Variants in DNAH11 observed in about 807,000 individuals in gnomAD.
DNAH11 encodes the protein axonemal beta dynein heavy chain 11.
DNAH11 carries 442 observed loss-of-function variants against 526.0 expected under a neutral mutation model. The observed-to-expected ratio is 0.84, with a 90% confidence interval of 0.78 to 0.91. DNAH11 has a LOEUF of 0.91. DNAH11 is among the 40% of genes least tolerant of loss of function. DNAH11 has a pLI of 0.00. For synonymous variants in DNAH11, 2,461 were observed against 1,935.9 expected, an observed-to-expected ratio of 1.27 and a Z score of -7.12; for missense variants, 6,989 against 5,448.7, an observed-to-expected ratio of 1.28 and a Z score of -8.90.
intron 66 of DNAH11, among the ~76,000 whole-genome samples, chr7:21,849,842 T>C (rs917470367): frequency 6.6e-6 from 1 of 152,222 alleles, no homozygotes; most frequent in Non-Finnish European, 1.5e-5. Flanking sequence ...CCTGGATCTT[T>C]GGTTTGGTAT....
chr7:21,784,466 G>A lies in DNAH11; in HGVS notation c.9523G>A (p.Glu3175Lys). The A allele has an allele frequency of 1.9e-6, 3 of 1,613,560 alleles. No homozygotes were observed. The highest frequency in any genetic ancestry group is 2.5e-6 in the Non-Finnish European group (3 of 1,179,684). The part of the protein sequence containing the change: ...IQTEVFQKQR[E>K]CEADLLKAEP... ...GACTGAAGTGTTCCAGAAACAGAGAGAATGTGAAGCTGACTTACTCAAGGC... is the reference window on the plus strand; with the variant it reads ...GACTGAAGTGTTCCAGAAACAGAGAAAATGTGAAGCTGACTTACTCAAGGC... Residue 3175 changes from glutamate to lysine, a missense_variant, in exon 58 of 82, where the codon GAA becomes AAA. Glu to Lys is a moderately conservative substitution (Grantham distance 56). Transcript: ENST00000409508.
At chr7:21,575,132 C>T (rs1411498170) in intron 8 of DNAH11, among the ~76,000 whole-genome samples, 1 of 152,140 alleles carries the variant, frequency 6.6e-6, no homozygotes, top group Admixed American at 6.5e-5. Flanking sequence ...CTGCCTCGGC[C>T]TCCAAAAGTG....
intron 68 of DNAH11, among the ~76,000 whole-genome samples, chr7:21,860,127 C>T (rs191347461): frequency 1.1e-3 from 170 of 152,136 alleles, no homozygotes; most frequent in African/African-American, 4.0e-3. Context: ...GAGCCACGGT[C>T]ACTCCACCGC....
In DNAH11 at chr7:21,872,204, A is replaced by AAT. The variant is rs540777977; in HGVS notation, c.11968-1068_11968-1067dup. Reference sequence around the variant, plus strand: ...TATCTCCTTAAAGACCCTATTTCCAAATACAGTCACATTATGAGATGCTGG... The same window carrying AAT: ...TATCTCCTTAAAGACCCTATTTCCAAATATACAGTCACATTATGAGATGCTGG... On this transcript the variant is annotated intron_variant, in intron 73 of 81. Coordinates refer to ENST00000409508, the MANE Select transcript of DNAH11 (RefSeq NM_001277115.2). Among the ~76,000 whole-genome samples the AAT allele has an allele frequency of 2.0e-5, 3 of 151,224 alleles. No homozygotes were observed. In the East Asian group the frequency reaches 5.8e-4, roughly 29 times the overall value.
rs143890807 is a variant in DNAH11 at position 21,747,227 on chromosome 7, G to A, written c.8511-1353G>A. Among the ~76,000 whole-genome samples the A allele has an allele frequency of 4.2e-4, 64 of 152,160 alleles. 1 individual carries two copies. Among genetic ancestry groups the A allele is most frequent in the African/African-American group, 1.5e-3 (62 of 41,442 alleles). On this transcript the variant is annotated intron_variant, in intron 51 of 81. Coordinates refer to ENST00000409508, the MANE Select transcript of DNAH11 (RefSeq NM_001277115.2). ...TAGCTTTCCCCAAGGTTGTTTTGTTGTGTGGTCATGTGAAGTAAAATTTAA... is the reference window on the plus strand; with the variant it reads ...TAGCTTTCCCCAAGGTTGTTTTGTTATGTGGTCATGTGAAGTAAAATTTAA...
chr7:21,643,262 C>T (rs1459047232), intron 28 of DNAH11, among the ~76,000 whole-genome samples: 2 of 152,118 alleles, frequency 1.3e-5, no homozygotes, highest in Admixed American at 6.5e-5. Context: ...TATCAGTTTA[C>T]CCTTTTGCAC....
At chr7:21,650,286 C>A (rs1321804733) in intron 28 of DNAH11, among the ~76,000 whole-genome samples, 1 of 152,008 alleles carries the variant, frequency 6.6e-6, no homozygotes, top group Non-Finnish European at 1.5e-5. Context: ...TTGGCAAAAG[C>A]AAATCTGGAT....
At chr7:21,728,402 CAA>C (rs1785232339) in intron 45 of DNAH11, among the ~76,000 whole-genome samples, 1 of 151,574 alleles carries the variant, frequency 6.6e-6, no homozygotes, top group South Asian at 2.1e-4. Context: ...GGACTACAGG[CAA>C]CCCACCACCA....
chr7:21,691,757 A>G (rs1265401464), intron 35 of DNAH11, among the ~76,000 whole-genome samples: 1 of 152,170 alleles, frequency 6.6e-6, no homozygotes, highest in East Asian at 1.9e-4. Flanking sequence ...CATTTTATGT[A>G]GCTCTAAAAT....
intron 74 of DNAH11, among the ~76,000 whole-genome samples, chr7:21,880,325 C>T (rs1056398112): frequency 3.3e-5 from 5 of 152,140 alleles, no homozygotes; most frequent in Non-Finnish European, 4.4e-5. Flanking sequence ...ATTCTCCCAA[C>T]CGTAATAGCA....
intron 63 of DNAH11, among the ~76,000 whole-genome samples, chr7:21,809,805 A>T (rs1789430620): frequency 6.6e-6 from 1 of 152,084 alleles, no homozygotes; most frequent in Non-Finnish European, 1.5e-5. Flanking sequence ...ACCTCAGGTG[A>T]TTCACCCGCC....
chr7:21,725,913 A>T lies in DNAH11; in HGVS notation c.7369A>T (p.Lys2457Ter), dbSNP rs1191880059. ...GTIFDYYVDH[K>*]TKKLLPWADK... ...AATCTTTGATTATTATGTGGACCACAAAACTAAGAAATTATTGCCCTGGGC... is the reference window on the plus strand; with the variant it reads ...AATCTTTGATTATTATGTGGACCACTAAACTAAGAAATTATTGCCCTGGGC... The change falls in exon 45 of 82, where the codon AAA becomes TAA. Residue 2457 changes from lysine (K) to a stop codon, truncating the protein, a stop_gained. Coordinates refer to ENST00000409508, the MANE Select transcript of DNAH11 (RefSeq NM_001277115.2). LOFTEE classifies it high-confidence loss of function. 1 of 1,583,658 alleles carries T rather than the reference A, an allele frequency of 6.3e-7. No individual in the cohort carries two copies. The highest frequency in any genetic ancestry group is 1.3e-5 in the African/African-American group (1 of 74,394).
chr7:21,743,908 G>A (rs1786031490), intron 49 of DNAH11, among the ~76,000 whole-genome samples: 1 of 152,116 alleles, frequency 6.6e-6, no homozygotes, highest in South Asian at 2.1e-4. Flanking sequence ...TCTCCATGAG[G>A]AGTGAGTGCG....
At chr7:21,609,276 C>T (rs909683665) in intron 20 of DNAH11, among the ~76,000 whole-genome samples, 2 of 152,078 alleles carry the variant, frequency 1.3e-5, no homozygotes, top group Non-Finnish European at 2.9e-5. Flanking sequence ...AGTACAGTGG[C>T]ATGATCTCAG....
intron 56 of DNAH11, among the ~76,000 whole-genome samples, chr7:21,778,675 TCAGA>T (rs1345935518): frequency 6.6e-6 from 1 of 152,262 alleles, no homozygotes; most frequent in East Asian, 1.9e-4. Context: ...GAGCATGTGG[TCAGA>T]CAGAGGGAAG....
chr7:21,800,878 G>T lies in DNAH11; in HGVS notation c.10027-259G>T, dbSNP rs12700304. ...CAGCGCACATCCATTCACCCCAGTC[G>T]CTCCCTGCATTCTGCCCAGTGGAGG... On this transcript the variant is annotated intron_variant, in intron 61 of 81. Transcript: ENST00000409508. Among the ~76,000 whole-genome samples, 28,123 of 152,088 alleles carry T rather than the reference G, an allele frequency of 0.18. 3,405 individuals carry two copies. Among genetic ancestry groups the T allele is most frequent in the Admixed American group, 0.34 (5,169 of 15,280 alleles).
intron 79 of DNAH11, 104 bp from the exon 80 acceptor site, chr7:21,899,232 T>G (rs1274639425): frequency 1.2e-6 from 1 of 861,650 alleles, no homozygotes; most frequent in African/African-American, 1.6e-5. Flanking sequence ...AGTGGTATAC[T>G]TCTCCTCCAC....
chr7:21,691,274 T>A (rs906767229), intron 35 of DNAH11, among the ~76,000 whole-genome samples: 1 of 151,734 alleles, frequency 6.6e-6, no homozygotes, highest in Non-Finnish European at 1.5e-5. Context: ...TGCTGGCTCA[T>A]TTTTGCTCCT....
chr7:21,768,614 G>A (rs537804811), intron 55 of DNAH11, among the ~76,000 whole-genome samples: 4 of 152,252 alleles, frequency 2.6e-5, no homozygotes, highest in African/African-American at 4.8e-5. Context: ...CACAAACTCC[G>A]TATCATCAGC....
Sources: allele counts gnomAD v4.1 joint callset (sites outside exome capture counted in the v4.1 genomes callset), GRCh38; gene constraint gnomAD v4.1.1; transcripts MANE v1.5; gene names NCBI Gene and HGNC (gene_info 2026-07-23, HGNC 2026-07-21).